SH3PXD2A: variants seen among roughly 807,000 people sequenced by gnomAD.
SH3PXD2A encodes the protein SH3 and PX domains 2A.
In SH3PXD2A, 32 loss-of-function variants were observed where a neutral mutation model predicts 115.2. The observed-to-expected ratio is 0.28, with a 90% CI of 0.21 to 0.37. The LOEUF (loss-of-function observed/expected upper bound fraction) is 0.37. SH3PXD2A is among the 10% of genes least tolerant of loss of function. SH3PXD2A has a pLI of 1.00. For synonymous variants in SH3PXD2A, 610 were observed against 629.1 expected (o/e 0.97, Z 0.45); for missense variants, 1,328 against 1,498.7 (o/e 0.89, Z 1.88).
At chr10:103,835,479 T>C (rs1401872052) in intron 1 of SH3PXD2A, among the ~76,000 whole-genome samples, 1 of 152,190 alleles carries the variant, frequency 6.6e-6, no homozygotes, top group African/African-American at 2.4e-5. Context: ...CATTGCCCCA[T>C]CCTCACACAC....
intron 6 of SH3PXD2A, among the ~76,000 whole-genome samples, chr10:103,687,888 G>A (rs2037699470): frequency 6.6e-6 from 1 of 152,132 alleles, no homozygotes; most frequent in Non-Finnish European, 1.5e-5. Context: ...ATCATGAGCA[G>A]CCAGCACACA....
chr10:103,610,533 C>A (rs1038132559), intron 13 of SH3PXD2A, among the ~76,000 whole-genome samples: 11 of 152,204 alleles, frequency 7.2e-5, no homozygotes, highest in African/African-American at 2.4e-4. Context: ...GGGATGAAAT[C>A]TTTAAAAACC....
In SH3PXD2A at chr10:103,801,369, G is replaced by GA; in HGVS notation, c.73-8dup. On this transcript the variant is annotated splice_region_variant and splice_polypyrimidine_tract_variant and intron_variant, in intron 1 of 14. Transcript: ENST00000369774. ...TCACATTGATTATGTATACCTGTGG[G>GA]AAAAAGGTAAGAGCAGGTGAGCAAG... The GA allele has an allele frequency of 3.8e-6, 6 of 1,587,824 alleles. No homozygotes were observed. Among genetic ancestry groups the GA allele is most frequent in the Non-Finnish European group, 5.2e-6 (6 of 1,156,224 alleles).
chr10:103,733,089 C>T (rs34178838), intron 4 of SH3PXD2A, among the ~76,000 whole-genome samples: 5,729 of 152,112 alleles, frequency 0.038, 177 homozygotes, highest in Non-Finnish European at 0.056. Flanking sequence ...AGTAAATCAC[C>T]GCCTGTGAGA....
chr10:103,617,181 T>TATCAG lies in SH3PXD2A; in HGVS notation c.920+15_920+16insCTGAT. 1.3e-6 allele frequency: 2 copies of TATCAG among 1,571,390 alleles called. No homozygotes were observed. The highest frequency in any genetic ancestry group is 2.7e-5 in the African/African-American group (2 of 74,264). On this transcript the variant is annotated intron_variant, in intron 11 of 14. Coordinates refer to ENST00000369774, the MANE Select transcript of SH3PXD2A (RefSeq NM_001394015.1). ...TGGGCGAGAGGCATCTCGTTCATAA[T>TATCAG]GTAAGGGTTCCCTACCTGATATACC...
intron 7 of SH3PXD2A, among the ~76,000 whole-genome samples, chr10:103,667,857 C>T (rs950487840): frequency 2.6e-5 from 4 of 152,246 alleles, no homozygotes; most frequent in African/African-American, 9.6e-5. Context: ...CATCCAGGAG[C>T]TGAGAACCCT....
At chr10:103,663,800 C>T (rs914439527) in intron 7 of SH3PXD2A, among the ~76,000 whole-genome samples, 33 of 152,362 alleles carry the variant, frequency 2.2e-4, no homozygotes, top group Non-Finnish European at 3.4e-4. Flanking sequence ...CACTGCCCCC[C>T]GGCAGTTTTC....
At chr10:103,721,827 G>A (rs375811777) in intron 5 of SH3PXD2A, among the ~76,000 whole-genome samples, 34 of 152,226 alleles carry the variant, frequency 2.2e-4, no homozygotes, top group Middle Eastern at 6.8e-3. Context: ...GGGCAGGAGC[G>A]CAGACAGGTG....
intron 1 of SH3PXD2A, among the ~76,000 whole-genome samples, chr10:103,822,501 T>TCA (rs896809443): frequency 6.6e-6 from 1 of 152,200 alleles, no homozygotes; most frequent in Non-Finnish European, 1.5e-5. Context: ...TCATTCAGCC[T>TCA]CACACAAGCT....
chr10:103,826,639 T>C lies in SH3PXD2A; in HGVS notation c.73-25277A>G, dbSNP rs2039432727. ...AGAATTTTCCCCCTAGTGAGTGTAA[T>C]TCCTTCCAGGTCCCGGAGCACATTT... On this transcript the variant is annotated intron_variant, in intron 1 of 14. Coordinates refer to ENST00000369774, the MANE Select transcript of SH3PXD2A (RefSeq NM_001394015.1). Among the ~76,000 whole-genome samples, 6 of 152,302 alleles carry C rather than the reference T, an allele frequency of 3.9e-5. No homozygotes were observed. In the South Asian group the frequency reaches 1.2e-3, roughly 32 times the overall value.
At chr10:103,615,556 A>G (rs2036505803) in intron 11 of SH3PXD2A, among the ~76,000 whole-genome samples, 1 of 136,792 alleles carries the variant, frequency 7.3e-6, no homozygotes, top group South Asian at 2.5e-4. Context: ...GAGAAGAAAG[A>G]CAGGAAATGA....
intron 1 of SH3PXD2A, among the ~76,000 whole-genome samples, chr10:103,836,139 A>C (rs2039537429): frequency 6.6e-6 from 1 of 152,222 alleles, no homozygotes; most frequent in Admixed American, 6.5e-5. Context: ...CCTGGCACCA[A>C]AGAGGCAATG....
intron 3 of SH3PXD2A, among the ~76,000 whole-genome samples, chr10:103,739,634 G>A (rs1320596556): frequency 6.6e-6 from 1 of 152,214 alleles, no homozygotes; most frequent in Non-Finnish European, 1.5e-5. Context: ...AAGGCCTCTT[G>A]TAAATATAGT....
chr10:103,693,094 CCGGGCGCGAGCG>C, intron 5 of SH3PXD2A, 38 bp from the exon 6 acceptor site: 1 of 1,605,338 alleles, frequency 6.2e-7, no homozygotes, highest in Non-Finnish European at 8.5e-7. Context: ...ATGGTTAGGG[CCGGGCGCGAGCG>C]CGGGGCTGCA....
At chr10:103,777,229 TTC>T (rs1254857176) in intron 2 of SH3PXD2A, among the ~76,000 whole-genome samples, 3 of 152,240 alleles carry the variant, frequency 2.0e-5, no homozygotes, top group Admixed American at 6.5e-5. Context: ...ACACCGGCTA[TTC>T]TTATCACCCC....
chr10:103,783,307 T>C (rs1340937274), intron 2 of SH3PXD2A, among the ~76,000 whole-genome samples: 2 of 152,132 alleles, frequency 1.3e-5, no homozygotes, highest in African/African-American at 4.8e-5. Context: ...GTGGGAAGAC[T>C]GGATTATGGA....
intron 6 of SH3PXD2A, among the ~76,000 whole-genome samples, chr10:103,672,094 G>C (rs891375819): frequency 6.6e-5 from 10 of 152,206 alleles, no homozygotes; most frequent in Non-Finnish European, 1.2e-4. Context: ...AGACCAGCCT[G>C]GCCAACATGG....
In SH3PXD2A at chr10:103,647,954, G is replaced by A. The variant is rs540242036; in HGVS notation, c.604+13029C>T. On this transcript the variant is annotated intron_variant, in intron 8 of 14. Coordinates refer to ENST00000369774, the MANE Select transcript of SH3PXD2A (RefSeq NM_001394015.1). ...CCCTAGGGGTGGGTTGGAGCCCGGA[G>A]GGATGAGAATCTCCTATTCTGTTAT... 1.6e-3 allele frequency among the ~76,000 whole-genome samples: 240 copies of A among 152,226 alleles called. 1 individual carries two copies. Among genetic ancestry groups the A allele is most frequent in the African/African-American group, 5.5e-3 (227 of 41,528 alleles).
chr10:103,652,512 A>G (rs1349618831), intron 8 of SH3PXD2A, among the ~76,000 whole-genome samples: 1 of 152,176 alleles, frequency 6.6e-6, no homozygotes, highest in East Asian at 1.9e-4. Flanking sequence ...AGAAAACCCA[A>G]CTGCTGAAGG....
Sources: allele counts gnomAD v4.1 joint callset (sites outside exome capture counted in the v4.1 genomes callset), GRCh38; gene constraint gnomAD v4.1.1; transcripts MANE v1.5; gene names NCBI Gene and HGNC (gene_info 2026-07-23, HGNC 2026-07-21).